CACNG7: variants seen among roughly 807,000 people sequenced by gnomAD.
The protein encoded by CACNG7 is calcium voltage-gated channel auxiliary subunit gamma 7, also known as voltage-dependent calcium channel gamma-7 subunit.
CACNG7 carries 9 observed loss-of-function variants against 26.3 expected under a neutral mutation model. That is an observed-to-expected ratio of 0.34 (90% CI 0.21 to 0.60). The LOEUF (loss-of-function observed/expected upper bound fraction) is 0.60, where lower values mean the gene tolerates loss of function less well. CACNG7 is among the 20% of genes least tolerant of loss of function. The pLI is 0.81. For synonymous variants in CACNG7, 170 were observed against 157.0 expected, an observed-to-expected ratio of 1.08 and a Z score of -0.62; for missense variants, 297 against 380.4, an observed-to-expected ratio of 0.78 and a Z score of 1.82.
chr19:53,910,885 G>A (rs749208295), intron 1 of CACNG7, among the ~76,000 whole-genome samples: 1 of 152,100 alleles, frequency 6.6e-6, no homozygotes. Context: ...ATGGGAAACC[G>A]GGGTCCAGAA....
At chr19:53,934,048 C>T (rs185008175) in intron 4 of CACNG7, among the ~76,000 whole-genome samples, 39 of 152,174 alleles carry the variant, frequency 2.6e-4, no homozygotes, top group Admixed American at 1.2e-3. Flanking sequence ...CAGGCCTGCA[C>T]CACCACGCCC....
rs917366897 is a variant in CACNG7 at position 53,940,118 on chromosome 19, C to A, written c.425-1352C>A. Among the ~76,000 whole-genome samples the A allele has an allele frequency of 4.6e-5, 7 of 152,138 alleles. No individual in the cohort carries two copies. Among genetic ancestry groups the A allele is most frequent in the African/African-American group, 1.7e-4 (7 of 41,422 alleles). On this transcript the variant is annotated intron_variant, in intron 4 of 5. Coordinates refer to ENST00000391767, the MANE Select transcript of CACNG7 (RefSeq NM_031896.5). The surrounding 1 kb of genome is among the most constrained non-coding windows in gnomAD (Gnocchi z 4.1). ...AGTTAGATACATTTAAGGCAGGGAA[C>A]TTTATAGCCTCCTTAAGCCACTCTT...
chr19:53,917,954 G>A (rs1008119729), intron 4 of CACNG7, among the ~76,000 whole-genome samples: 4 of 152,196 alleles, frequency 2.6e-5, no homozygotes, highest in African/African-American at 9.7e-5. Context: ...GATCAGTGGT[G>A]CAGGCAGGCT....
At chr19:53,924,361 T>C (rs1284150585) in intron 4 of CACNG7, among the ~76,000 whole-genome samples, 21 of 144,426 alleles carry the variant, frequency 1.5e-4, no homozygotes, top group Non-Finnish European at 3.2e-4. Context: ...TTGGTGGAGT[T>C]GTCCCCAGGT....
chr19:53,928,438 AT>A (rs1442352736), intron 4 of CACNG7, among the ~76,000 whole-genome samples: 4 of 150,936 alleles, frequency 2.7e-5, no homozygotes, highest in Admixed American at 2.6e-4. Flanking sequence ...TGCCTGGCTA[AT>A]TTTTTTTTGT....
intron 4 of CACNG7, among the ~76,000 whole-genome samples, chr19:53,919,273 C>T (rs1249830447): frequency 1.3e-5 from 2 of 152,216 alleles, no homozygotes; most frequent in African/African-American, 2.4e-5. Flanking sequence ...GCCTCCTGTT[C>T]GCAATGAGGA....
chr19:53,917,669 G>A lies in CACNG7; in HGVS notation c.424+2164G>A, dbSNP rs143021052. 2.0e-3 allele frequency among the ~76,000 whole-genome samples: 302 copies of A among 152,224 alleles called. 2 individuals are homozygous for A. Among genetic ancestry groups the A allele is most frequent in the African/African-American group, 6.2e-3 (256 of 41,524 alleles). On this transcript the variant is annotated intron_variant, in intron 4 of 5. Coordinates refer to ENST00000391767, the MANE Select transcript of CACNG7 (RefSeq NM_031896.5). ...TATCACGATCCTAGAGTGTGAGAGCGGAAAGGTCTCATCATTTTTCAAATG... is the reference window on the plus strand; with the variant it reads ...TATCACGATCCTAGAGTGTGAGAGCAGAAAGGTCTCATCATTTTTCAAATG...
At chr19:53,932,331 C>T (rs79342077) in intron 4 of CACNG7, among the ~76,000 whole-genome samples, 9,943 of 151,092 alleles carry the variant, frequency 0.066, 1,120 homozygotes, top group African/African-American at 0.23. Flanking sequence ...ATGGATCCTG[C>T]ACTCAGTTTC....
At chr19:53,920,513 C>T (rs1419173384) in intron 4 of CACNG7, among the ~76,000 whole-genome samples, 3 of 15,714 alleles carry the variant, frequency 1.9e-4, no homozygotes, top group Admixed American at 4.3e-4. Context: ...GGTGGAGTTG[C>T]CCCAGGCTGG....
chr19:53,920,992 C>T (rs2068943356), intron 4 of CACNG7, among the ~76,000 whole-genome samples: 3 of 78,784 alleles, frequency 3.8e-5, no homozygotes, highest in African/African-American at 8.1e-5. Context: ...GGTGGAGTTG[C>T]CCCAGGCTGG....
rs535201245 is a variant in CACNG7, at chr19:53,921,942, TC to T, written c.424+6438del. On this transcript the variant is annotated intron_variant, in intron 4 of 5. Transcript: ENST00000391767. ...TTGGTGGAGTTGTCCCCAGGTCTGG[TC>T]ATTGGTGGAGTTGCCCCAGGCCTGG... 1.1e-4 allele frequency among the ~76,000 whole-genome samples: 10 copies of T among 92,054 alleles called. No individual in the cohort carries two copies. The South Asian group carries it at 1.9e-3, about 18-fold the overall frequency. 60.4% of individuals were successfully genotyped at this position (92,054 alleles called of 152,430 possible). A position where few individuals can be genotyped will look rare whatever the true frequency, so the allele number is the denominator to read the frequency against.
At chr19:53,913,048 C>T (rs748218872) in intron 2 of CACNG7, 21 bp downstream of exon 2, 5 of 1,595,986 alleles carry the variant, frequency 3.1e-6, no homozygotes, top group Non-Finnish European at 3.4e-6. Flanking sequence ...CACCCGTCTT[C>T]CACTCAACAG....
At chr19:53,925,828 G>C (rs2069026508) in intron 4 of CACNG7, among the ~76,000 whole-genome samples, 1 of 152,236 alleles carries the variant, frequency 6.6e-6, no homozygotes, top group South Asian at 2.1e-4. Flanking sequence ...CTGGAGATGT[G>C]AGGAAAAGGC....
At chr19:53,916,186 C>T (rs769502111) in intron 4 of CACNG7, among the ~76,000 whole-genome samples, 12 of 152,204 alleles carry the variant, frequency 7.9e-5, no homozygotes, top group East Asian at 3.8e-4. Context: ...ACCCTACTTA[C>T]GTCATCGTAC....
chr19:53,934,541 G>A (rs1467684873), intron 4 of CACNG7, among the ~76,000 whole-genome samples: 1 of 151,974 alleles, frequency 6.6e-6, no homozygotes, highest in Non-Finnish European at 1.5e-5. Context: ...TTGGGATTCC[G>A]AGGCGAGAGG....
intron 4 of CACNG7, among the ~76,000 whole-genome samples, chr19:53,916,662 ATTTTTTT>A (rs1223891653): frequency 9.4e-6 from 1 of 106,168 alleles, no homozygotes; most frequent in South Asian, 3.1e-4. Context: ...CTAATTTTCT[ATTTTTTT>A]TTTTTTTTTT....
rs569122535 is a variant in CACNG7 at position 53,914,271 on chromosome 19, C to T, written c.197-229C>T. On this transcript the variant is annotated intron_variant, in intron 2 of 5. Transcript: ENST00000391767. The stretch of plus-strand genomic sequence containing the variant: ...CCTGGGCAACAGAGTGAGACTCCAT[C>T]TCAAAAAAAAAAAAAAGAAAAAAAG... Among the ~76,000 whole-genome samples the T allele has an allele frequency of 2.2e-4, 21 of 94,024 alleles. No homozygotes were observed. In the African/African-American group the frequency reaches 3.7e-3, roughly 16 times the overall value. 61.7% of individuals were successfully genotyped at this position (94,024 alleles called of 152,430 possible).
In CACNG7 at chr19:53,912,032, C is replaced by G. The variant is rs1164508012; in HGVS notation, c.-29-771C>G. Among the ~76,000 whole-genome samples the G allele has an allele frequency of 6.6e-6, 1 of 152,100 alleles. No homozygotes were observed. Among genetic ancestry groups the G allele is most frequent in the Non-Finnish European group, 1.5e-5 (1 of 68,036 alleles). ...GGAATTTCTGGATGTAGTTCAGAGACAGGGTGCAAGAAAATGTATCAGGGC... is the reference window on the plus strand; with the variant it reads ...GGAATTTCTGGATGTAGTTCAGAGAGAGGGTGCAAGAAAATGTATCAGGGC... On this transcript the variant is annotated intron_variant, in intron 1 of 5. Coordinates refer to ENST00000391767, the MANE Select transcript of CACNG7 (RefSeq NM_031896.5). This position sits in a 1 kb window ranked among gnomAD's most constrained non-coding sequence, Gnocchi z 4.6.
rs1194124274 is a variant in CACNG7 at position 53,914,480 on chromosome 19, T to A, written c.197-20T>A. The stretch of plus-strand genomic sequence containing the variant: ...CTTAGGAGCCTCTCATCCAGCCCTG[T>A]CTGTTTCTCTTCCCCCCAGGTCGGG... On this transcript the variant is annotated intron_variant, in intron 2 of 5. Transcript: ENST00000391767. 3.1e-6 allele frequency: 5 copies of A among 1,610,290 alleles called. No individual in the cohort carries two copies. The African/African-American group carries it at 6.7e-5, about 22-fold the overall frequency.
Sources: gnomAD v4.1 joint callset for allele counts (sites outside exome capture counted in the v4.1 genomes callset) on GRCh38, gnomAD v4.1.1 for gene constraint, Gnocchi (gnomAD v3.1) non-coding constraint, MANE v1.5 for transcripts, NCBI Gene and HGNC (gene_info 2026-07-23, HGNC 2026-07-21) for gene names.